Variants in SYT14 observed in about 807,000 individuals in gnomAD.
SYT14 encodes synaptotagmin 14.
Under a neutral mutation model 74.2 loss-of-function variants are expected in SYT14, and 32 were observed. The ratio of observed to expected loss-of-function variants is 0.43; its 90% confidence interval spans 0.33 to 0.58. The LOEUF is 0.58. SYT14 is among the 20% of genes least tolerant of loss of function. The probability of loss-of-function intolerance (pLI) is 0.05; values close to 1 mark genes in which losing one functional copy is unlikely to be tolerated. For synonymous variants in SYT14, 298 were observed against 337.7 expected (o/e 0.88, Z 1.29); for missense variants, 791 against 981.8 (o/e 0.81, Z 2.60).
At chr1:210,165,699 CAT>C (rs944560967) in exon 10 of SYT14, 13 of 152,150 alleles carry the variant, frequency 8.5e-5, no homozygotes, top group African/African-American at 3.1e-4. Flanking sequence ...TAGTTTATTA[CAT>C]ATGTCTCTCT....
intron 8 of SYT14, among the ~76,000 whole-genome samples, chr1:210,158,531 T>C (rs1197439795): frequency 6.6e-6 from 1 of 152,190 alleles, no homozygotes; most frequent in Non-Finnish European, 1.5e-5. Flanking sequence ...CTATCCTTAC[T>C]GTAGTCACTC....
At chr1:210,055,503 T>C (rs1246536001) in intron 5 of SYT14, among the ~76,000 whole-genome samples, 1 of 152,122 alleles carries the variant, frequency 6.6e-6, no homozygotes, top group Non-Finnish European at 1.5e-5. Context: ...ATGTTTTTTT[T>C]CCTATTAGAA....
chr1:209,941,132 G>C (rs982208470), intron 1 of SYT14, among the ~76,000 whole-genome samples: 1 of 151,996 alleles, frequency 6.6e-6, no homozygotes, highest in Non-Finnish European at 1.5e-5. Context: ...TAAGTACTAA[G>C]GATTGTTTTC....
chr1:209,947,145 G>A (rs763509570), intron 1 of SYT14, among the ~76,000 whole-genome samples: 3 of 152,148 alleles, frequency 2.0e-5, no homozygotes, highest in African/African-American at 4.8e-5. Flanking sequence ...TGATGGAGAC[G>A]TACAAGGAGA....
chr1:209,991,375 T>C (rs1385082121), intron 2 of SYT14, among the ~76,000 whole-genome samples: 1 of 152,142 alleles, frequency 6.6e-6, no homozygotes, highest in East Asian at 1.9e-4. Flanking sequence ...ACTAGCCAAC[T>C]TTGCATCTGA....
intron 5 of SYT14, among the ~76,000 whole-genome samples, chr1:210,028,773 T>C (rs1022860687): frequency 6.6e-6 from 1 of 152,168 alleles, no homozygotes. Flanking sequence ...CTTTCAGTTC[T>C]TTTGAGTATG....
intron 2 of SYT14, among the ~76,000 whole-genome samples, chr1:210,000,104 C>T (rs139376164): frequency 2.0e-5 from 3 of 152,140 alleles, no homozygotes; most frequent in Non-Finnish European, 4.4e-5. Context: ...CAAATGTATA[C>T]AAACACTTTT....
chr1:209,963,220 C>CT (rs1321395645), intron 2 of SYT14, among the ~76,000 whole-genome samples: 1 of 152,032 alleles, frequency 6.6e-6, no homozygotes. Flanking sequence ...AAAAGAAAAT[C>CT]TTTTTTTATT....
intron 7 of SYT14, among the ~76,000 whole-genome samples, chr1:210,133,971 A>C (rs1009776178): frequency 5.9e-5 from 9 of 151,996 alleles, no homozygotes; most frequent in African/African-American, 1.9e-4. Flanking sequence ...GTATAGGCAG[A>C]GACAGAGGAG....
intron 2 of SYT14, among the ~76,000 whole-genome samples, chr1:209,999,908 T>C (rs915707947): frequency 6.6e-6 from 1 of 152,162 alleles, no homozygotes; most frequent in African/African-American, 2.4e-5. Flanking sequence ...GGACTTGAAA[T>C]GTTCCCAGCA....
chr1:210,158,923 T>G (rs1441188539), intron 8 of SYT14, among the ~76,000 whole-genome samples: 1 of 152,138 alleles, frequency 6.6e-6, no homozygotes, highest in African/African-American at 2.4e-5. Context: ...ATCCCCATTT[T>G]TCCAAAGAAA....
intron 2 of SYT14, among the ~76,000 whole-genome samples, chr1:209,956,276 C>CA (rs2078990202): frequency 1.2e-5 from 1 of 83,990 alleles, no homozygotes; most frequent in African/African-American, 6.3e-5. Flanking sequence ...CTGCACTGAA[C>CA]AAACCCCAAA....
intron 2 of SYT14, among the ~76,000 whole-genome samples, chr1:209,993,544 CA>C (rs1330012718): frequency 1.3e-5 from 2 of 152,182 alleles, no homozygotes; most frequent in Non-Finnish European, 2.9e-5. Flanking sequence ...GAGGGGGCGA[CA>C]CGCATGGGTT....
chr1:210,079,118 G>A (rs993677597), intron 5 of SYT14, among the ~76,000 whole-genome samples: 13 of 151,858 alleles, frequency 8.6e-5, no homozygotes, highest in Middle Eastern at 3.2e-3. Context: ...TTTAGCCTGA[G>A]TAGATGCCTT....
At chr1:210,052,625 G>GCACTC (rs1168743488) in intron 5 of SYT14, among the ~76,000 whole-genome samples, 1 of 126,384 alleles carries the variant, frequency 7.9e-6, no homozygotes, top group African/African-American at 3.2e-5. Flanking sequence ...TCACGCCACT[G>GCACTC]CACTCCAGCC....
chr1:210,022,562 G>A (rs1031483013), intron 5 of SYT14, among the ~76,000 whole-genome samples: 1 of 152,094 alleles, frequency 6.6e-6, no homozygotes, highest in African/African-American at 2.4e-5. Context: ...TAACATTCTG[G>A]CCATATCTCT....
chr1:209,990,143 T>A (rs1049870682), intron 2 of SYT14, among the ~76,000 whole-genome samples: 1 of 152,152 alleles, frequency 6.6e-6, no homozygotes, highest in East Asian at 1.9e-4. Context: ...CTCAGCTTTA[T>A]TGTAAACAGA....
intron 5 of SYT14, among the ~76,000 whole-genome samples, chr1:210,070,250 A>G (rs1218209594): frequency 6.6e-6 from 1 of 152,084 alleles, no homozygotes; most frequent in Non-Finnish European, 1.5e-5. Context: ...CTCAAATATG[A>G]AAAGGTAAAA....
At chr1:210,086,617 T>C (rs1332292465) in intron 5 of SYT14, among the ~76,000 whole-genome samples, 1 of 152,194 alleles carries the variant, frequency 6.6e-6, no homozygotes, top group Non-Finnish European at 1.5e-5. Context: ...AGAATCCTGG[T>C]TCCTATTAGT....
Sources: gnomAD v4.1 joint callset for allele counts (sites outside exome capture counted in the v4.1 genomes callset) on GRCh38, gnomAD v4.1.1 for gene constraint, MANE v1.5 for transcripts, NCBI Gene and HGNC (gene_info 2026-07-23, HGNC 2026-07-21) for gene names.